The following SEMA6A variants were observed in gnomAD, a reference collection of about 807,000 sequenced individuals.
SEMA6A encodes semaphorin-6A.
A neutral mutation model predicts 96.8 loss-of-function variants in SEMA6A; 25 were observed. The observed-to-expected ratio is 0.26, with a 90% CI of 0.19 to 0.36. The LOEUF (loss-of-function observed/expected upper bound fraction) is 0.36. Among genes scored for constraint, SEMA6A ranks in the 10% least tolerant of loss-of-function variants. The pLI is 1.00. For synonymous variants in SEMA6A, 612 were observed against 518.0 expected (o/e 1.18, Z -2.46); for missense variants, 1,363 against 1,323.1 (o/e 1.03, Z -0.47).
intron 1 of SEMA6A, among the ~76,000 whole-genome samples, chr5:116,518,085 C>G (rs779127793): frequency 6.6e-6 from 1 of 152,086 alleles, no homozygotes; most frequent in Non-Finnish European, 1.5e-5. Context: ...ATGAATAACC[C>G]CAGAAGTTTA....
At chr5:116,517,004 T>A (rs1250199950) in intron 1 of SEMA6A, among the ~76,000 whole-genome samples, 1 of 152,180 alleles carries the variant, frequency 6.6e-6, no homozygotes, top group African/African-American at 2.4e-5. Flanking sequence ...ATCCCCTGTT[T>A]CTCTAGATCT....
chr5:116,458,613 A>G (rs1012484913), intron 18 of SEMA6A, among the ~76,000 whole-genome samples: 1 of 152,174 alleles, frequency 6.6e-6, no homozygotes, highest in Non-Finnish European at 1.5e-5. Context: ...GAGAAAATGA[A>G]TGTTAGGTTA....
intron 1 of SEMA6A, among the ~76,000 whole-genome samples, chr5:116,524,877 A>G (rs1310149251): frequency 2.6e-5 from 4 of 151,118 alleles, no homozygotes; most frequent in Non-Finnish European, 5.9e-5. Context: ...TGGGTCAATG[A>G]CAAGGAAACA....
In SEMA6A at chr5:116,496,324, C is replaced by G. The variant is rs1263649206; in HGVS notation, c.280-11G>C. ...TTTCCATGTCAGTTTCTGCAGGGAT[C>G]AAGAAAGAAATCAATTAGAGCCCAG... On this transcript the variant is annotated splice_polypyrimidine_tract_variant and intron_variant, in intron 4 of 18. Transcript: ENST00000343348. 1 of 1,612,504 alleles carries G rather than the reference C, an allele frequency of 6.2e-7. No homozygotes were observed. Among genetic ancestry groups the G allele is most frequent in the South Asian group, 1.1e-5 (1 of 90,992 alleles).
At chr5:116,517,838 CCT>C (rs1758740508) in intron 1 of SEMA6A, among the ~76,000 whole-genome samples, 1 of 152,186 alleles carries the variant, frequency 6.6e-6, no homozygotes, top group African/African-American at 2.4e-5. Flanking sequence ...AGCACTCCTT[CCT>C]CTCTCTGTAG....
At position 116,444,423 on chromosome 5, in the gene SEMA6A, A is replaced by C. The variant is rs1357719948; in HGVS notation, c.*2190T>G. 1 of 152,198 alleles carries C rather than the reference A, an allele frequency of 6.6e-6. No homozygotes were observed. Among genetic ancestry groups the C allele is most frequent in the African/African-American group, 2.4e-5 (1 of 41,404 alleles). The allele number at this position is 152,198 out of a possible 1,614,324, so 9.4% of individuals were successfully genotyped here. On this transcript the variant is annotated 3_prime_UTR_variant, in exon 19 of 19. Coordinates refer to ENST00000343348, the MANE Select transcript of SEMA6A (RefSeq NM_020796.5). ...ACTGTCATTGTCAGTCTTTTTTTGA[A>C]TTCTTTTTAAAGACAAAACTAAACC...
intron 6 of SEMA6A, 34 bp from the exon 7 acceptor site, chr5:116,491,864 C>T (rs772891072): frequency 1.3e-6 from 2 of 1,518,334 alleles, no homozygotes; most frequent in Admixed American, 1.7e-5. Context: ...TTACAAACAA[C>T]AACCTTTTCT....
At chr5:116,517,871 G>A (rs557799077) in intron 1 of SEMA6A, among the ~76,000 whole-genome samples, 1 of 152,146 alleles carries the variant, frequency 6.6e-6, no homozygotes, top group African/African-American at 2.4e-5. Context: ...GACTTCACAG[G>A]CTTTTTGTGC....
At chr5:116,507,463 A>C (rs540643687) in intron 1 of SEMA6A, among the ~76,000 whole-genome samples, 19 of 152,308 alleles carry the variant, frequency 1.2e-4, no homozygotes, top group African/African-American at 4.6e-4. Context: ...CAGGATTCCT[A>C]AGATGACGCA....
At chr5:116,498,299 G>T (rs1757702662) in intron 3 of SEMA6A, among the ~76,000 whole-genome samples, 1 of 152,276 alleles carries the variant, frequency 6.6e-6, no homozygotes, top group South Asian at 2.1e-4. Flanking sequence ...ATTACCCACA[G>T]CTTTAAACCA....
At chr5:116,516,311 C>T (rs1758666164) in intron 1 of SEMA6A, among the ~76,000 whole-genome samples, 1 of 152,138 alleles carries the variant, frequency 6.6e-6, no homozygotes, top group South Asian at 2.1e-4. Flanking sequence ...TATGTCCAGA[C>T]ACATCGAGAA....
chr5:116,502,882 AG>A (rs1757954066), intron 2 of SEMA6A, among the ~76,000 whole-genome samples: 1 of 152,246 alleles, frequency 6.6e-6, no homozygotes, highest in Non-Finnish European at 1.5e-5. Context: ...TTGGCATTCT[AG>A]GAACTGTGGG....
At chr5:116,495,105 A>C (rs949741179) in intron 6 of SEMA6A, among the ~76,000 whole-genome samples, 3 of 152,080 alleles carry the variant, frequency 2.0e-5, no homozygotes, top group African/African-American at 7.3e-5. Flanking sequence ...GGGAGGGAGA[A>C]AAAAAATAGA....
chr5:116,461,191 C>T (rs1755372220), intron 18 of SEMA6A, among the ~76,000 whole-genome samples: 2 of 152,116 alleles, frequency 1.3e-5, no homozygotes, highest in Admixed American at 1.3e-4. Flanking sequence ...TAAGTGATCT[C>T]TAATTCAAAA....
intron 1 of SEMA6A, among the ~76,000 whole-genome samples, chr5:116,545,037 C>A (rs1358378348): frequency 6.6e-6 from 1 of 152,148 alleles, no homozygotes; most frequent in Non-Finnish European, 1.5e-5. Context: ...CAGCTTTGAC[C>A]TGAGTCACCT....
intron 18 of SEMA6A, chr5:116,449,373 A>T (rs76766203): frequency 8.5e-6 from 6 of 702,318 alleles, no homozygotes; most frequent in African/African-American, 1.7e-5. Context: ...TTTCTGGAAT[A>T]TGTTTCATGT....
At chr5:116,462,993 TAA>T (rs373356399) in intron 18 of SEMA6A, among the ~76,000 whole-genome samples, 1 of 150,810 alleles carries the variant, frequency 6.6e-6, no homozygotes, top group African/African-American at 2.4e-5. Flanking sequence ...TTATCACAAA[TAA>T]AAAAAAAGTG....
intron 6 of SEMA6A, 111 bp from the exon 7 acceptor site, chr5:116,491,941 G>A: frequency 1.2e-6 from 1 of 830,590 alleles, no homozygotes; most frequent in South Asian, 1.5e-5. Flanking sequence ...TAATCACTTT[G>A]AGATGGACCC....
At chr5:116,521,281 C>T (rs938526060) in intron 1 of SEMA6A, among the ~76,000 whole-genome samples, 2 of 152,188 alleles carry the variant, frequency 1.3e-5, no homozygotes, top group Non-Finnish European at 2.9e-5. Flanking sequence ...GTTACTAAGG[C>T]TCGATTGCCA....
Sources: allele counts gnomAD v4.1 joint callset (sites outside exome capture counted in the v4.1 genomes callset), GRCh38; gene constraint gnomAD v4.1.1; transcripts MANE v1.5; gene names NCBI Gene and HGNC (gene_info 2026-07-23, HGNC 2026-07-21).